The following THAP10 variants were observed in gnomAD, a reference collection of about 807,000 sequenced individuals.
THAP10 encodes the protein THAP domain containing 10.
THAP10 carries 10 observed loss-of-function variants against 15.7 expected under a neutral mutation model. That is an observed-to-expected ratio of 0.64 (90% CI 0.39 to 1.08). The LOEUF is 1.08. Ranked by LOEUF, THAP10 falls within the 50% of genes least tolerant of loss-of-function variation. THAP10 has a pLI of 0.01. For synonymous variants in THAP10, 127 were observed against 129.1 expected (o/e 0.98, Z 0.11); for missense variants, 310 against 330.9 (o/e 0.94, Z 0.49).
intron 1 of THAP10, among the ~76,000 whole-genome samples, chr15:70,884,537 C>T (rs1247106881): frequency 2.0e-5 from 3 of 150,684 alleles, no homozygotes; most frequent in Non-Finnish European, 4.4e-5. Flanking sequence ...CACATATATA[C>T]ACACAGAAAA....
At chr15:70,886,244 G>A (rs1212112508) in intron 1 of THAP10, among the ~76,000 whole-genome samples, 1 of 152,030 alleles carries the variant, frequency 6.6e-6, no homozygotes, top group Non-Finnish European at 1.5e-5. Flanking sequence ...CTTAATTTAG[G>A]TTAGAATTAT....
intron 1 of THAP10, among the ~76,000 whole-genome samples, chr15:70,883,278 G>T (rs183380034): frequency 2.0e-5 from 3 of 151,620 alleles, no homozygotes; most frequent in Admixed American, 1.3e-4. Context: ...TGCAATCTCC[G>T]CCTGCCGGGT....
Position 70,892,177 on chromosome 15 carries a change from G to C in THAP10, c.96C>G (p.Leu32=). Residue 32 remains leucine, a synonymous_variant, in exon 1 of 3, where the codon CTC becomes CTG. Coordinates refer to ENST00000249861, the MANE Select transcript of THAP10 (RefSeq NM_020147.4). ...RFPKDRAVRL[L]WDRFVRGCRA... ...GGCAACCCCGCACGAAGCGGTCCCA[G>C]AGCAGCCGCACGGCCCGGTCCTTGG... 2 of 1,611,176 alleles carry C rather than the reference G, an allele frequency of 1.2e-6. No individual in the cohort carries two copies. The highest frequency in any genetic ancestry group is 2.2e-5 in the East Asian group (1 of 44,790).
In THAP10 at chr15:70,882,554, A is replaced by C. The variant is rs1031593930; in HGVS notation, c.674T>G (p.Ile225Ser). ...ATCTGTTTCTGAATCACTGGAGTAA[A>C]TGTCAAAGAGAGAGGAAGTTCTAGA... Reference protein sequence around the residue: ...LWSRTSSLFDIYSSDSETDTD... With the variant: ...LWSRTSSLFDSYSSDSETDTD... Residue 225 changes from isoleucine (I) to serine (S), a missense_variant, in exon 3 of 3, where the codon ATT becomes AGT. Coordinates refer to ENST00000249861, the MANE Select transcript of THAP10 (RefSeq NM_020147.4). 4 of 1,613,830 alleles carry C rather than the reference A, an allele frequency of 2.5e-6. No homozygotes were observed. The African/African-American group carries it at 5.3e-5, about 22-fold the overall frequency.
intron 1 of THAP10, 59 bp downstream of exon 1, chr15:70,891,785 T>C (rs1472023679): frequency 6.3e-6 from 9 of 1,418,232 alleles, no homozygotes; most frequent in Non-Finnish European, 8.4e-6. Context: ...TGACACTAAG[T>C]GGAGGAGCCC....
At chr15:70,885,097 A>C (rs1388538404) in intron 1 of THAP10, among the ~76,000 whole-genome samples, 1 of 152,190 alleles carries the variant, frequency 6.6e-6, no homozygotes, top group African/African-American at 2.4e-5. Flanking sequence ...ATTTGAACAT[A>C]AATCTCTTGT....
At chr15:70,886,220 GA>G (rs2033404165) in intron 1 of THAP10, among the ~76,000 whole-genome samples, 1 of 152,112 alleles carries the variant, frequency 6.6e-6, no homozygotes, top group African/African-American at 2.4e-5. Flanking sequence ...ATTAGGATAG[GA>G]AAATTAATTG....
chr15:70,891,618 T>TGTGTGA (rs930540936), intron 1 of THAP10, among the ~76,000 whole-genome samples: 8 of 127,654 alleles, frequency 6.3e-5, no homozygotes, highest in South Asian at 2.5e-4. Context: ...TGTGTGTGTG[T>TGTGTGA]GAGTTTTGGG....
intron 1 of THAP10, among the ~76,000 whole-genome samples, chr15:70,887,798 T>C (rs941305825): frequency 3.3e-5 from 5 of 152,230 alleles, no homozygotes; most frequent in African/African-American, 1.2e-4. Context: ...TTTTCTCAGA[T>C]GATATTTTTG....
intron 1 of THAP10, among the ~76,000 whole-genome samples, chr15:70,883,260 C>T (rs958004706): frequency 1.3e-4 from 19 of 150,978 alleles, no homozygotes; most frequent in Non-Finnish European, 1.8e-4. Context: ...GGTGCCATCT[C>T]GGCTCACTGC....
chr15:70,888,183 T>A (rs984816721), intron 1 of THAP10, among the ~76,000 whole-genome samples: 1 of 152,162 alleles, frequency 6.6e-6, no homozygotes, highest in Non-Finnish European at 1.5e-5. Context: ...GACAAATCAA[T>A]TCTGAAATGT....
In THAP10 at chr15:70,882,601, A is replaced by G. The variant is rs1301143254; in HGVS notation, c.627T>C (p.Thr209=). The G allele has an allele frequency of 1.2e-6, 2 of 1,613,966 alleles. No individual in the cohort carries two copies. Among genetic ancestry groups the G allele is most frequent in the South Asian group, 2.2e-5 (2 of 91,082 alleles). ...TAGACCACAATTCCTCTGTCTGAGT[A>G]GTTGCATTACACAGTCTTTTTCCAA... ...KAFGKRLCNA[T]TQTEELWSRT... Residue 209 remains threonine, a synonymous_variant, in exon 3 of 3, where the codon ACT becomes ACC. Coordinates refer to ENST00000249861, the MANE Select transcript of THAP10 (RefSeq NM_020147.4).
chr15:70,882,880 G>A lies in THAP10; in HGVS notation c.458C>T (p.Thr153Ile). Residue 153 changes from threonine (T) to isoleucine (I), a missense_variant, in exon 2 of 3, where the codon ACC becomes ATC. Thr to Ile is a moderately conservative substitution (Grantham distance 89). Coordinates refer to ENST00000249861, the MANE Select transcript of THAP10 (RefSeq NM_020147.4). Reference sequence around the variant, plus strand: ...AGATGGATTATCAGCATGGGGTTGGGTTTGCACAAGTTCATTTTCACACGT... The same window carrying A: ...AGATGGATTATCAGCATGGGGTTGGATTTGCACAAGTTCATTTTCACACGT... ...QITCENELVQ[T>I]QPHADNPSNT... is the part of the protein sequence containing the mutation. 1.2e-6 allele frequency: 2 copies of A among 1,613,974 alleles called. No individual in the cohort carries two copies. Among genetic ancestry groups the A allele is most frequent in the Non-Finnish European group, 1.7e-6 (2 of 1,179,968 alleles).
In THAP10 at chr15:70,882,582, A is replaced by G. The variant is rs1433111986; in HGVS notation, c.646T>C (p.Trp216Arg). The change falls in exon 3 of 3, where the codon TGG (tryptophan) becomes CGG (arginine). Residue 216 changes from tryptophan to arginine, a missense_variant. Transcript: ENST00000249861. ...TCAAAGAGAGAGGAAGTTCTAGACC[A>G]CAATTCCTCTGTCTGAGTAGTTGCA... ...CNATTQTEELWSRTSSLFDIY... is the reference protein window; with the variant it reads ...CNATTQTEELRSRTSSLFDIY... 3 of 1,613,796 alleles carry G rather than the reference A, an allele frequency of 1.9e-6. No individual in the cohort carries two copies. The highest frequency in any genetic ancestry group is 2.5e-6 in the Non-Finnish European group (3 of 1,179,694).
Position 70,892,073 on chromosome 15 carries a change from G to C in THAP10, c.200C>G (p.Ser67Trp), listed in dbSNP as rs758629561. ...HFAPACFDVS[S>W]VIQKNLRFSQ... Reference sequence around the variant, plus strand: ...GAAGCGCAGGTTCTTCTGGATAACCGAAGAGACGTCAAAACAGGCTGGGGC... The same window carrying C: ...GAAGCGCAGGTTCTTCTGGATAACCCAAGAGACGTCAAAACAGGCTGGGGC... The change falls in exon 1 of 3, where the codon TCG becomes TGG. Residue 67 changes from serine (S) to tryptophan (W), a missense_variant. By Grantham distance (177) the Ser-to-Trp change is radical. Transcript: ENST00000249861. 1 of 1,613,904 alleles carries C rather than the reference G, an allele frequency of 6.2e-7. No individual in the cohort carries two copies. Among genetic ancestry groups the C allele is most frequent in the Non-Finnish European group, 8.5e-7 (1 of 1,179,914 alleles).
intron 1 of THAP10, among the ~76,000 whole-genome samples, chr15:70,884,564 C>T (rs1424990985): frequency 6.6e-6 from 1 of 151,370 alleles, no homozygotes; most frequent in African/African-American, 2.4e-5. Flanking sequence ...AAGAAAGAAA[C>T]TTTGTAAAGA....
intron 1 of THAP10, among the ~76,000 whole-genome samples, chr15:70,883,764 C>T (rs1339247218): frequency 3.3e-5 from 5 of 151,532 alleles, no homozygotes; most frequent in East Asian, 2.0e-4. Context: ...AAGCAATTGT[C>T]GTGCCTCAGC....
chr15:70,889,015 C>T (rs996253356), intron 1 of THAP10, among the ~76,000 whole-genome samples: 7 of 152,098 alleles, frequency 4.6e-5, no homozygotes, highest in African/African-American at 1.7e-4. Context: ...TAAATTGGTA[C>T]AAGTATTTTA....
In THAP10 at chr15:70,892,288, T is replaced by G. The variant is rs1300756444; in HGVS notation, c.-16A>C. On this transcript the variant is annotated 5_prime_UTR_variant, in exon 1 of 3. Transcript: ENST00000249861. The stretch of plus-strand genomic sequence containing the variant: ...GGGCCGGCATGGCGGCCGTCTTCGG[T>G]GCGCGGGAGCCGGGTTCCCTGGACC... 1 of 1,554,122 alleles carries G rather than the reference T, an allele frequency of 6.4e-7. No individual in the cohort carries two copies.
Sources: gnomAD v4.1 joint callset for allele counts (sites outside exome capture counted in the v4.1 genomes callset) on GRCh38, gnomAD v4.1.1 for gene constraint, MANE v1.5 for transcripts, NCBI Gene and HGNC (gene_info 2026-07-23, HGNC 2026-07-21) for gene names.